The following AKAP6 variants were observed in gnomAD, a reference collection of about 807,000 sequenced individuals.
AKAP6 encodes the protein A-kinase anchoring protein 6, also known as A-kinase anchor protein 6.
AKAP6 carries 58 observed loss-of-function variants against 188.5 expected under a neutral mutation model. That is an observed-to-expected ratio of 0.31 (90% CI 0.25 to 0.38). AKAP6 has a LOEUF of 0.38. Ranked by LOEUF, AKAP6 falls within the 10% of genes least tolerant of loss-of-function variation. AKAP6 has a pLI of 1.00. For missense variants in AKAP6, 2,710 were observed against 2,740.0 expected (o/e 0.99, Z 0.24); for synonymous variants, 989 against 998.6 (o/e 0.99, Z 0.18).
intron 2 of AKAP6, among the ~76,000 whole-genome samples, chr14:32,496,055 T>A (rs185297273): frequency 1.3e-5 from 2 of 152,358 alleles, no homozygotes; most frequent in East Asian, 3.9e-4. Flanking sequence ...ATAATAAGTA[T>A]GTGAATGCTG....
chr14:32,535,858 G>C, intron 3 of AKAP6, 53 bp downstream of exon 3: 1 of 1,562,760 alleles, frequency 6.4e-7, no homozygotes, highest in Non-Finnish European at 8.7e-7. Flanking sequence ...GACCAATTGA[G>C]AATGTTTTCA....
chr14:32,639,988 T>G (rs1887684431), intron 7 of AKAP6, among the ~76,000 whole-genome samples: 1 of 152,162 alleles, frequency 6.6e-6, no homozygotes, highest in Admixed American at 6.6e-5. Flanking sequence ...AACTCCATTT[T>G]TGTTAATATA....
chr14:32,540,131 G>GCGCT (rs1306141242), intron 3 of AKAP6, among the ~76,000 whole-genome samples: 12 of 66,480 alleles, frequency 1.8e-4, no homozygotes, highest in African/African-American at 9.5e-4. Flanking sequence ...TTGCTCGTGC[G>GCGCT]CTCTCTCTCT....
rs187283975 is a variant in AKAP6 at position 32,786,767 on chromosome 14, T to G, written c.3588+12874T>G. ...GTTATCAGTAGCAAGTAAATTATTC[T>G]TGCTTTTCAATTAAATGTTTTAAAC... On this transcript the variant is annotated intron_variant, in intron 12 of 13. Transcript: ENST00000280979. Among the ~76,000 whole-genome samples the G allele has an allele frequency of 1.9e-3, 289 of 152,360 alleles. 1 individual carries two copies. The highest frequency in any genetic ancestry group is 1.7e-3 in the Non-Finnish European group (114 of 68,036).
chr14:32,562,019 T>C (rs1370216561), intron 4 of AKAP6, among the ~76,000 whole-genome samples: 1 of 152,178 alleles, frequency 6.6e-6, no homozygotes, highest in Non-Finnish European at 1.5e-5. Flanking sequence ...CTAAGAATGA[T>C]AGGCTTGAAT....
At chr14:32,660,934 C>CCCCAT (rs10566351) in intron 7 of AKAP6, among the ~76,000 whole-genome samples, 1 of 65,290 alleles carries the variant, frequency 1.5e-5, no homozygotes, top group Non-Finnish European at 2.8e-5. Flanking sequence ...ACCCCCCCCC[C>CCCCAT]TCCCAATTCC....
At chr14:32,724,114 C>T (rs1030845195) in intron 9 of AKAP6, among the ~76,000 whole-genome samples, 1 of 152,040 alleles carries the variant, frequency 6.6e-6, no homozygotes, top group East Asian at 1.9e-4. Flanking sequence ...TACTAGCATA[C>T]TGCTACATTT....
At position 32,811,255 on chromosome 14, in the gene AKAP6, A is replaced by AAAAAAAAAAAAAAAAAAAAAAAAAAAAT. The variant is rs546819675; in HGVS notation, c.3589-10146_3589-10145insAAAAAAAAAAAAAAAAAAAAAAAAAATA. ...CTCCGTCTCAGGAAAAAAAAAAAAA[A>AAAAAAAAAAAAAAAAAAAAAAAAAAAAT]AGTTGAAAAACAGACTAAGATAATG... On this transcript the variant is annotated intron_variant, in intron 12 of 13. Transcript: ENST00000280979. 3.7e-4 allele frequency among the ~76,000 whole-genome samples: 44 copies of AAAAAAAAAAAAAAAAAAAAAAAAAAAAT among 118,332 alleles called. 1 individual carries two copies. The highest frequency in any genetic ancestry group is 1.0e-3 in the African/African-American group (33 of 31,556). 77.6% of individuals were successfully genotyped at this position (118,332 alleles called of 152,430 possible). A position where few individuals can be genotyped will look rare whatever the true frequency, so the allele number is the denominator to read the frequency against.
chr14:32,410,642 CT>C (rs926541923), intron 1 of AKAP6, among the ~76,000 whole-genome samples: 2 of 151,846 alleles, frequency 1.3e-5, no homozygotes, highest in Non-Finnish European at 2.9e-5. Flanking sequence ...TATAATGAGA[CT>C]TTTTTTTAAA....
At chr14:32,369,164 C>T (rs1887931908) in intron 1 of AKAP6, among the ~76,000 whole-genome samples, 1 of 151,972 alleles carries the variant, frequency 6.6e-6, no homozygotes, top group Non-Finnish European at 1.5e-5. Flanking sequence ...TTGCAGGGAC[C>T]CAGATGAAAG....
intron 11 of AKAP6, among the ~76,000 whole-genome samples, chr14:32,736,742 C>T (rs1277191585): frequency 1.3e-5 from 2 of 152,078 alleles, no homozygotes; most frequent in African/African-American, 4.8e-5. Context: ...CATCGTAGGA[C>T]CAGGTTTTAT....
At chr14:32,591,408 T>C (rs1885478816) in intron 5 of AKAP6, among the ~76,000 whole-genome samples, 1 of 145,826 alleles carries the variant, frequency 6.9e-6, no homozygotes, top group South Asian at 2.3e-4. Flanking sequence ...AATTCTTGCA[T>C]AACATATTAG....
At chr14:32,634,417 CA>C (rs1233458376) in intron 7 of AKAP6, among the ~76,000 whole-genome samples, 1 of 152,044 alleles carries the variant, frequency 6.6e-6, no homozygotes, top group Non-Finnish European at 1.5e-5. Context: ...ACTTTGAGTT[CA>C]AAGTTTATTT....
intron 9 of AKAP6, among the ~76,000 whole-genome samples, chr14:32,708,754 C>T (rs1890918201): frequency 6.6e-6 from 1 of 151,966 alleles, no homozygotes; most frequent in African/African-American, 2.4e-5. Context: ...CACTTCTTGG[C>T]CCTCTTTGTG....
intron 1 of AKAP6, chr14:32,373,210 G>C (rs1254566815): frequency 6.6e-6 from 1 of 152,098 alleles, no homozygotes; most frequent in Admixed American, 6.6e-5. Context: ...AATTCACACA[G>C]AGCCAGCTGT....
intron 2 of AKAP6, among the ~76,000 whole-genome samples, chr14:32,450,224 C>T (rs1890892729): frequency 6.6e-6 from 1 of 152,070 alleles, no homozygotes; most frequent in Non-Finnish European, 1.5e-5. Flanking sequence ...TCTGATGCTA[C>T]ATGAAATGTT....
intron 1 of AKAP6, among the ~76,000 whole-genome samples, chr14:32,367,771 C>CT (rs1566467276): frequency 6.6e-6 from 1 of 152,122 alleles, no homozygotes; most frequent in South Asian, 2.1e-4. Flanking sequence ...GCACTGGGGC[C>CT]TTTTTTGGAT....
chr14:32,823,085 A>G lies in AKAP6; in HGVS notation c.5272A>G (p.Ser1758Gly). 1 of 1,613,838 alleles carries G rather than the reference A, an allele frequency of 6.2e-7. No homozygotes were observed. Among genetic ancestry groups the G allele is most frequent in the Non-Finnish European group, 8.5e-7 (1 of 1,179,888 alleles). Residue 1758 changes from serine to glycine, a missense_variant, in exon 13 of 14, where the codon AGC becomes GGC. Ser to Gly is a moderately conservative substitution (Grantham distance 56). Around this residue, in one of 2 missense-constraint regions of AKAP6, gnomAD observed 2,473 missense variants for 2,426.1 expected, o/e 1.02. Transcript: ENST00000280979. Reference protein sequence around the residue: ...DDEDDSDLLSSSTLTLTEEEL... With the variant: ...DDEDDSDLLSGSTLTLTEEEL... ...TGAAGATGACAGCGACCTGCTCTCC[A>G]GCTCTACCCTTACCTTGACTGAAGA...
chr14:32,771,350 A>AAC (rs1317870960), intron 11 of AKAP6, among the ~76,000 whole-genome samples: 1 of 151,610 alleles, frequency 6.6e-6, no homozygotes, highest in Admixed American at 6.6e-5. Context: ...GGAAAAAAAA[A>AAC]AAAAACCCTG....
Sources: allele counts gnomAD v4.1 joint callset (sites outside exome capture counted in the v4.1 genomes callset), GRCh38; gene constraint gnomAD v4.1.1; regional missense constraint gnomAD v4.1.1; transcripts MANE v1.5; gene names NCBI Gene and HGNC (gene_info 2026-07-23, HGNC 2026-07-21).